MAP3K2: variants seen among roughly 807,000 people sequenced by gnomAD.
The protein encoded by MAP3K2 is mitogen-activated protein kinase kinase kinase 2.
A neutral mutation model predicts 80.3 loss-of-function variants in MAP3K2; 24 were observed. The ratio of observed to expected loss-of-function variants is 0.30; its 90% CI spans 0.22 to 0.42. The LOEUF (loss-of-function observed/expected upper bound fraction) is 0.42. Ranked by LOEUF, MAP3K2 falls within the 10% of genes least tolerant of loss-of-function variation. MAP3K2 has a pLI of 1.00. For synonymous variants in MAP3K2, 244 were observed against 253.7 expected (o/e 0.96, Z 0.36); for missense variants, 608 against 750.1 (o/e 0.81, Z 2.21).
chr2:127,366,784 G>A (rs1170215193), intron 1 of MAP3K2, among the ~76,000 whole-genome samples: 1 of 149,994 alleles, frequency 6.7e-6, no homozygotes, highest in Non-Finnish European at 1.5e-5. Flanking sequence ...CATAACATGA[G>A]AATAATTCTG....
At chr2:127,319,813 T>C (rs1685981546) in intron 12 of MAP3K2, among the ~76,000 whole-genome samples, 1 of 147,960 alleles carries the variant, frequency 6.8e-6, no homozygotes, top group South Asian at 2.1e-4. Flanking sequence ...CACTCCAACC[T>C]GGGCAACAAG....
At chr2:127,371,574 G>A (rs536719980) in intron 1 of MAP3K2, among the ~76,000 whole-genome samples, 2 of 152,222 alleles carry the variant, frequency 1.3e-5, no homozygotes, top group South Asian at 2.1e-4. Context: ...AATGTGGATC[G>A]CCAACAAGCA....
At chr2:127,354,714 T>C (rs925715671) in intron 1 of MAP3K2, among the ~76,000 whole-genome samples, 23 of 152,118 alleles carry the variant, frequency 1.5e-4, no homozygotes, top group African/African-American at 5.3e-4. Flanking sequence ...ATATATGGTA[T>C]TGAATCAAAA....
chr2:127,371,521 A>T (rs2104888507), intron 1 of MAP3K2, among the ~76,000 whole-genome samples: 1 of 152,278 alleles, frequency 6.6e-6, no homozygotes, highest in East Asian at 1.9e-4. Context: ...AATTAGTCAC[A>T]CCCAGGACTG....
intron 7 of MAP3K2, among the ~76,000 whole-genome samples, chr2:127,328,077 C>A (rs1686178219): frequency 6.6e-6 from 1 of 152,156 alleles, no homozygotes; most frequent in Non-Finnish European, 1.5e-5. Flanking sequence ...GAGTTCGAGA[C>A]CAATCTGGCT....
intron 7 of MAP3K2, among the ~76,000 whole-genome samples, chr2:127,327,661 T>C (rs1253878496): frequency 1.3e-5 from 2 of 152,128 alleles, no homozygotes; most frequent in African/African-American, 4.8e-5. Flanking sequence ...TGAGACCTGT[T>C]TATCAGCATA....
chr2:127,346,994 GAAAAAAAGA>G (rs200280356), intron 1 of MAP3K2, among the ~76,000 whole-genome samples: 4 of 150,064 alleles, frequency 2.7e-5, no homozygotes, highest in African/African-American at 7.4e-5. Flanking sequence ...CTGTCTCAAG[GAAAAAAAGA>G]AAAAAAAGAA....
intron 1 of MAP3K2, among the ~76,000 whole-genome samples, chr2:127,377,309 A>C (rs1558991633): frequency 6.6e-6 from 1 of 152,036 alleles, no homozygotes; most frequent in Non-Finnish European, 1.5e-5. Flanking sequence ...CAGAACTCTG[A>C]CTTAGCAATT....
chr2:127,362,026 A>T (rs1686901503), intron 1 of MAP3K2, among the ~76,000 whole-genome samples: 1 of 152,206 alleles, frequency 6.6e-6, no homozygotes, highest in Non-Finnish European at 1.5e-5. Context: ...ATTCAACTCT[A>T]AGCGGCAAAT....
chr2:127,365,698 T>C (rs973497522), intron 1 of MAP3K2, among the ~76,000 whole-genome samples: 5 of 152,132 alleles, frequency 3.3e-5, no homozygotes, highest in Admixed American at 3.3e-4. Flanking sequence ...CTCCAGTGTG[T>C]GGTCCCACTC....
At chr2:127,312,138 G>T (rs1050733396) in intron 15 of MAP3K2, among the ~76,000 whole-genome samples, 6 of 152,198 alleles carry the variant, frequency 3.9e-5, no homozygotes, top group Non-Finnish European at 8.8e-5. Flanking sequence ...GATATCAGCA[G>T]CTATTAATGT....
At position 127,327,565 on chromosome 2, in the gene MAP3K2, C is replaced by CAA. The variant is rs35285745; in HGVS notation, c.467-750_467-749dup. On this transcript the variant is annotated intron_variant, in intron 7 of 16. Transcript: ENST00000682094. ...GTCAATTACTAAAAGGAGATAGGAC[C>CAA]AAAAAAAAAAAAAAGCTATGAAAAT... 4.0e-3 allele frequency among the ~76,000 whole-genome samples: 521 copies of CAA among 130,240 alleles called. 3 individuals carry two copies. Among genetic ancestry groups the CAA allele is most frequent in the African/African-American group, 0.013 (458 of 34,428 alleles). 85.4% of individuals were successfully genotyped at this position (130,240 alleles called of 152,430 possible).
intron 1 of MAP3K2, among the ~76,000 whole-genome samples, chr2:127,347,400 A>G (rs1239255817): frequency 6.6e-6 from 1 of 152,184 alleles, no homozygotes; most frequent in African/African-American, 2.4e-5. Context: ...TGCAGGATAC[A>G]AGGTCAACAT....
In MAP3K2 at chr2:127,337,782, TA is replaced by T; in HGVS notation, c.124-5del. The T allele has an allele frequency of 6.6e-7, 1 of 1,517,422 alleles. No individual in the cohort carries two copies. Among genetic ancestry groups the T allele is most frequent in the East Asian group, 2.4e-5 (1 of 42,056 alleles). The allele number at this position is 1,517,422 out of a possible 1,614,324, so 94.0% of individuals were successfully genotyped here. ...CAAATTTGACTCGGACATCATTCTGTAATGAAATGACAAATCAGTCTTTCAG... is the reference window on the plus strand; with the variant it reads ...CAAATTTGACTCGGACATCATTCTGTATGAAATGACAAATCAGTCTTTCAG... On this transcript the variant is annotated splice_region_variant and splice_polypyrimidine_tract_variant and intron_variant, in intron 3 of 16. Transcript: ENST00000682094.
chr2:127,380,173 T>C (rs1412191231), intron 1 of MAP3K2, among the ~76,000 whole-genome samples: 1 of 152,158 alleles, frequency 6.6e-6, no homozygotes, highest in Non-Finnish European at 1.5e-5. Context: ...TGCTAGGTAC[T>C]GGAGTACCAA....
intron 1 of MAP3K2, among the ~76,000 whole-genome samples, chr2:127,370,079 C>T (rs1323918736): frequency 3.3e-5 from 5 of 150,784 alleles, no homozygotes; most frequent in Non-Finnish European, 7.4e-5. Context: ...GACCATGGAA[C>T]CTGGCCTAAA....
chr2:127,326,757 T>C lies in MAP3K2; in HGVS notation c.527A>G (p.Gln176Arg). ...PPGYIPDELHQVARNGSFTSI... is the reference protein window; with the variant it reads ...PPGYIPDELHRVARNGSFTSI... ...AGTGAATGACCCATTCCGGGCAACC[T>C]GGTGTAATTCATCTGGAATGTAACC... Residue 176 changes from glutamine to arginine, a missense_variant, in exon 8 of 17, where the codon CAG becomes CGG. Gln to Arg is a conservative substitution (Grantham distance 43, BLOSUM62 1). This residue lies in a region of MAP3K2 where 467 missense variants were observed against 521.9 expected (regional missense o/e 0.89). Coordinates refer to ENST00000682094, the MANE Select transcript of MAP3K2 (RefSeq NM_001371910.2). 3.1e-6 allele frequency: 5 copies of C among 1,606,932 alleles called. No individual in the cohort carries two copies. Among genetic ancestry groups the C allele is most frequent in the Non-Finnish European group, 4.3e-6 (5 of 1,175,778 alleles).
In MAP3K2 at chr2:127,384,440, G is replaced by A. The variant is rs553750327; in HGVS notation, c.-66+3012C>T. 9.3e-4 allele frequency among the ~76,000 whole-genome samples: 142 copies of A among 152,272 alleles called. 1 individual carries two copies. The highest frequency in any genetic ancestry group is 3.5e-4 in the Non-Finnish European group (24 of 68,020). On this transcript the variant is annotated intron_variant, in intron 1 of 16. Coordinates refer to ENST00000682094, the MANE Select transcript of MAP3K2 (RefSeq NM_001371910.2). ...CTGGAAAGGATTCATCATTCTAGAT[G>A]CCATTAAGAACACTGATGATTCATG... is the stretch of plus-strand genomic sequence containing the variant.
chr2:127,318,209 T>G lies in MAP3K2; in HGVS notation c.1154A>C (p.Lys385Thr). Residue 385 changes from lysine (K) to threonine (T), a missense_variant, in exon 13 of 17, where the codon AAG becomes ACG. This residue lies in a region of MAP3K2 where 467 missense variants were observed against 521.9 expected (regional missense o/e 0.89). Transcript: ENST00000682094. ...ACTATCGGGGTCAAATTGAACTTGC[T>G]TAACAGCCAATTCTCTTCCTGTATC... ...DVDTGRELAVKQVQFDPDSPE... is the reference protein window; with the variant it reads ...DVDTGRELAVTQVQFDPDSPE... 1.9e-6 allele frequency: 3 copies of G among 1,611,036 alleles called. No individual in the cohort carries two copies. Among genetic ancestry groups the G allele is most frequent in the Non-Finnish European group, 2.5e-6 (3 of 1,178,802 alleles).
Sources: allele counts gnomAD v4.1 joint callset (sites outside exome capture counted in the v4.1 genomes callset), GRCh38; gene constraint gnomAD v4.1.1; regional missense constraint gnomAD v4.1.1; transcripts MANE v1.5; gene names NCBI Gene and HGNC (gene_info 2026-07-23, HGNC 2026-07-21).